PPP5C: variants seen among roughly 807,000 people sequenced by gnomAD.
PPP5C encodes protein phosphatase 5 catalytic subunit, also known as serine/threonine-protein phosphatase 5.
Under a neutral mutation model 66.7 loss-of-function variants are expected in PPP5C, and 21 were observed. That is an observed-to-expected ratio of 0.31 (90% CI 0.22 to 0.45). PPP5C has a LOEUF of 0.45. Ranked by LOEUF, PPP5C falls within the 20% of genes least tolerant of loss-of-function variation. The pLI is 1.00. For synonymous variants in PPP5C, 246 were observed against 257.4 expected (o/e 0.96, Z 0.43); for missense variants, 464 against 675.9 (o/e 0.69, Z 3.48).
At chr19:46,360,225 A>G (rs1442755967) in intron 2 of PPP5C, among the ~76,000 whole-genome samples, 1 of 152,236 alleles carries the variant, frequency 6.6e-6, no homozygotes, top group Non-Finnish European at 1.5e-5. Flanking sequence ...AATCATAATT[A>G]ATAACTGATA....
intron 2 of PPP5C, among the ~76,000 whole-genome samples, chr19:46,363,307 CAAAAAAAAAAAAAAAAAAAAAAAAAAA>C (rs1158423038): frequency 3.6e-5 from 1 of 27,948 alleles, no homozygotes; most frequent in Non-Finnish European, 5.5e-5. Context: ...GACTCCATCT[CAAAAAAAAAAAAAAAAAAAAAAAAAAA>C]AAAAAAAAAA....
intron 2 of PPP5C, among the ~76,000 whole-genome samples, chr19:46,366,362 T>C (rs1320549660): frequency 1.3e-5 from 2 of 152,128 alleles, no homozygotes; most frequent in African/African-American, 4.8e-5. Context: ...GTTTTTTTTT[T>C]AGAGACAGAA....
Position 46,390,404 on chromosome 19 carries a change from C to G in PPP5C, c.*58C>G. ...CCCTCCAATCCCACCGGACCCAGGC[C>G]CTGGGCTAGGGGCAGAGCAGGCCCC... On this transcript the variant is annotated 3_prime_UTR_variant, in exon 13 of 13. Transcript: ENST00000012443. The G allele has an allele frequency of 6.4e-7, 1 of 1,550,538 alleles. No individual in the cohort carries two copies. The highest frequency in any genetic ancestry group is 8.7e-7 in the Non-Finnish European group (1 of 1,146,902).
intron 2 of PPP5C, among the ~76,000 whole-genome samples, chr19:46,357,689 A>G (rs548703555): frequency 1.1e-3 from 167 of 152,194 alleles, no homozygotes; most frequent in Non-Finnish European, 1.7e-3. Context: ...GAACTCCCTC[A>G]TGGAATTCAG....
chr19:46,384,526 C>T, intron 6 of PPP5C: 1 of 407,544 alleles, frequency 2.5e-6, no homozygotes, highest in South Asian at 2.4e-5. Flanking sequence ...AGTCCCCGCA[C>T]CTCCCCGCCA....
In PPP5C at chr19:46,390,408, G is replaced by A. The variant is rs141163309; in HGVS notation, c.*62G>A. Reference sequence around the variant, plus strand: ...CCAATCCCACCGGACCCAGGCCCTGGGCTAGGGGCAGAGCAGGCCCCGCCC... The same window carrying A: ...CCAATCCCACCGGACCCAGGCCCTGAGCTAGGGGCAGAGCAGGCCCCGCCC... On this transcript the variant is annotated 3_prime_UTR_variant, in exon 13 of 13. Transcript: ENST00000012443. 1,015 of 1,549,826 alleles carry A rather than the reference G, an allele frequency of 6.5e-4. 2 individuals carry two copies. In the Middle Eastern group the frequency reaches 7.4e-3, roughly 11 times the overall value.
In PPP5C at chr19:46,388,475, G is replaced by A. The variant is rs759477360; in HGVS notation, c.1176+27G>A. ...TGAGTCTAGGGTGGGGTGCAGGGCC[G>A]GCGGGTGTGGGCTGTGGCAGCAGGT... On this transcript the variant is annotated intron_variant, in intron 10 of 12. Transcript: ENST00000012443. The surrounding 1 kb of genome is among the most constrained non-coding windows in gnomAD (Gnocchi z 4.9). 97 of 1,609,938 alleles carry A rather than the reference G, an allele frequency of 6.0e-5. No individual in the cohort carries two copies. The highest frequency in any genetic ancestry group is 1.6e-4 in the East Asian group (7 of 44,764).
chr19:46,390,230 T>A, intron 12 of PPP5C, 54 bp from the exon 13 acceptor site: 6 of 1,601,976 alleles, frequency 3.7e-6, no homozygotes, highest in Non-Finnish European at 5.1e-6. Flanking sequence ...TGCCGGTGGG[T>A]GCTCAGGGGC....
intron 2 of PPP5C, among the ~76,000 whole-genome samples, chr19:46,370,802 G>T (rs1294412211): frequency 6.6e-6 from 1 of 151,860 alleles, no homozygotes; most frequent in African/African-American, 2.4e-5. Flanking sequence ...GTGCAGTGGC[G>T]GGATCTCGGC....
chr19:46,389,972 T>G, intron 11 of PPP5C, 79 bp from the exon 12 acceptor site: 1 of 1,320,168 alleles, frequency 7.6e-7, no homozygotes, highest in South Asian at 1.2e-5. Flanking sequence ...TGTCCCTTCT[T>G]GCCCAGCCAT....
Position 46,355,396 on chromosome 19 carries a change from C to T in PPP5C, c.363+1407C>T, listed in dbSNP as rs545564876. ...GGAGCCGCGAGTCTGCAGTTGGTCGCGGGGCTGAGAAGCACGAGTCTGCAG... is the reference window on the plus strand; with the variant it reads ...GGAGCCGCGAGTCTGCAGTTGGTCGTGGGGCTGAGAAGCACGAGTCTGCAG... On this transcript the variant is annotated intron_variant, in intron 2 of 12. Transcript: ENST00000012443. Among the ~76,000 whole-genome samples, 326 of 150,742 alleles carry T rather than the reference C, an allele frequency of 2.2e-3. 2 individuals are homozygous for T. The highest frequency in any genetic ancestry group is 7.3e-3 in the African/African-American group (299 of 41,006).
chr19:46,370,437 C>T (rs1366583973), intron 2 of PPP5C, among the ~76,000 whole-genome samples: 1 of 152,230 alleles, frequency 6.6e-6, no homozygotes, highest in African/African-American at 2.4e-5. Context: ...GGAAGGTCCT[C>T]TGGGGCTGTC....
intron 2 of PPP5C, among the ~76,000 whole-genome samples, chr19:46,356,561 G>T (rs1201413249): frequency 6.6e-6 from 1 of 152,174 alleles, no homozygotes; most frequent in Non-Finnish European, 1.5e-5. Context: ...AATTCAGCCT[G>T]AATTCAGACT....
At chr19:46,387,726 C>T in intron 9 of PPP5C, 1 of 1,377,578 alleles carries the variant, frequency 7.3e-7, no homozygotes, top group Non-Finnish European at 9.5e-7. Flanking sequence ...GCTGTGGAAC[C>T]CTGGAAGGAG....
At chr19:46,351,411 C>T (rs1328238687) in intron 1 of PPP5C, among the ~76,000 whole-genome samples, 2 of 152,206 alleles carry the variant, frequency 1.3e-5, no homozygotes, top group Non-Finnish European at 2.9e-5. Flanking sequence ...TAGTCATTCA[C>T]GCATTCACTT....
chr19:46,365,042 G>C (rs1361197965), intron 2 of PPP5C, among the ~76,000 whole-genome samples: 8 of 152,162 alleles, frequency 5.3e-5, no homozygotes, highest in Non-Finnish European at 1.2e-4. Flanking sequence ...GGGTGCAGTG[G>C]CGCAATCTCA....
chr19:46,369,183 G>A (rs1443927001), intron 2 of PPP5C, among the ~76,000 whole-genome samples: 2 of 147,304 alleles, frequency 1.4e-5, no homozygotes, highest in Admixed American at 1.3e-4. Flanking sequence ...GCATCATAGA[G>A]TGTGCTTACA....
rs760601651 is a variant in PPP5C at position 46,347,122 on chromosome 19, C to G, written c.26C>G (p.Thr9Ser). MAMAEGER[T>S]ECAEPPRDEP... ...ATGGCGATGGCGGAGGGCGAGAGGA[C>G]TGAGTGTGCTGAGCCCCCCCGGGAC... Residue 9 changes from threonine to serine, a missense_variant, in exon 1 of 13, where the codon ACT (threonine) becomes AGT (serine). Thr to Ser is a moderately conservative substitution (Grantham distance 58). Around this residue, in one of 2 missense-constraint regions of PPP5C, gnomAD observed 77 missense variants for 49.9 expected, o/e 1.54. Coordinates refer to ENST00000012443, the MANE Select transcript of PPP5C (RefSeq NM_006247.4). 4 of 1,604,520 alleles carry G rather than the reference C, an allele frequency of 2.5e-6. No homozygotes were observed. The highest frequency in any genetic ancestry group is 3.4e-6 in the Non-Finnish European group (4 of 1,175,816).
chr19:46,384,764 C>CGG, intron 6 of PPP5C, 40 bp from the exon 7 acceptor site: 29 of 1,192,210 alleles, frequency 2.4e-5, no homozygotes, highest in Non-Finnish European at 3.6e-5. Flanking sequence ...GCACCGCACC[C>CGG]TTCCCCTCCA....
Sources: gnomAD v4.1 joint callset for allele counts (sites outside exome capture counted in the v4.1 genomes callset) on GRCh38, gnomAD v4.1.1 for gene constraint, gnomAD v4.1.1 regional missense constraint, Gnocchi (gnomAD v3.1) non-coding constraint, MANE v1.5 for transcripts, NCBI Gene and HGNC (gene_info 2026-07-23, HGNC 2026-07-21) for gene names.